ANO3: variants seen among roughly 807,000 people sequenced by gnomAD.
ANO3 encodes the protein anoctamin 3.
A neutral mutation model predicts 144.8 loss-of-function variants in ANO3; 99 were observed. The observed-to-expected ratio is 0.68, with a 90% CI of 0.58 to 0.81. The LOEUF is 0.81. ANO3 is among the 30% of genes least tolerant of loss of function. The pLI is 0.00. For synonymous variants in ANO3, 414 were observed against 392.6 expected (o/e 1.05, Z -0.64); for missense variants, 905 against 1,202.2 (o/e 0.75, Z 3.66).
chr11:26,213,428 A>T (rs2133785028), intron 1 of ANO3, among the ~76,000 whole-genome samples: 1 of 152,112 alleles, frequency 6.6e-6, no homozygotes, highest in Non-Finnish European at 1.5e-5. Flanking sequence ...CAACTTCAGC[A>T]GTCTCAGGAT....
chr11:26,255,875 T>C (rs11029433), intron 1 of ANO3, among the ~76,000 whole-genome samples: 4 of 152,100 alleles, frequency 2.6e-5, no homozygotes, highest in Non-Finnish European at 2.9e-5. Flanking sequence ...CTAGAGGGAA[T>C]CCTCATCAGG....
intron 3 of ANO3, among the ~76,000 whole-genome samples, chr11:26,445,956 C>T (rs1012671895): frequency 4.6e-5 from 7 of 151,962 alleles, no homozygotes; most frequent in East Asian, 1.9e-4. Context: ...CTCAGCCTCC[C>T]GAGTAGCTGG....
At chr11:26,326,683 A>G (rs1016914401) in intron 1 of ANO3, among the ~76,000 whole-genome samples, 6 of 152,162 alleles carry the variant, frequency 3.9e-5, no homozygotes, top group Non-Finnish European at 7.4e-5. Flanking sequence ...ATATATAACT[A>G]CAAAGGTTAC....
chr11:26,514,535 G>A (rs1424363052), intron 5 of ANO3, among the ~76,000 whole-genome samples: 1 of 152,062 alleles, frequency 6.6e-6, no homozygotes, highest in Non-Finnish European at 1.5e-5. Flanking sequence ...GTAAATGGTA[G>A]AGATGGAATT....
intron 1 of ANO3, among the ~76,000 whole-genome samples, chr11:26,236,971 GTT>G (rs1852545675): frequency 6.6e-6 from 1 of 151,924 alleles, no homozygotes; most frequent in Non-Finnish European, 1.5e-5. Flanking sequence ...TCAAAACCCA[GTT>G]ATCTGTAAGT....
intron 1 of ANO3, among the ~76,000 whole-genome samples, chr11:26,385,908 T>TATATATATATATATAC (rs1310559300): frequency 0.018 from 2,679 of 149,212 alleles, 83 homozygotes; most frequent in African/African-American, 0.061. Flanking sequence ...TATATTTATA[T>TATATATATATATATAC]ACATATTTAC....
chr11:26,375,994 C>CAA (rs1856395897), intron 1 of ANO3, among the ~76,000 whole-genome samples: 1 of 152,132 alleles, frequency 6.6e-6, no homozygotes, highest in African/African-American at 2.4e-5. Context: ...TATACACAAT[C>CAA]ATATTCCCAC....
intron 24 of ANO3, among the ~76,000 whole-genome samples, chr11:26,652,694 T>C (rs1853570753): frequency 1.3e-5 from 2 of 152,256 alleles, no homozygotes; most frequent in African/African-American, 4.8e-5. Flanking sequence ...TACATCTTTA[T>C]GTCTTTGCTC....
intron 1 of ANO3, among the ~76,000 whole-genome samples, chr11:26,405,619 T>C (rs916970747): frequency 1.3e-5 from 2 of 151,888 alleles, no homozygotes; most frequent in Non-Finnish European, 2.9e-5. Context: ...GAACAAATCA[T>C]TGTGACCCAG....
At chr11:26,191,238 A>T (rs1851469389) in intron 1 of ANO3, among the ~76,000 whole-genome samples, 1 of 151,804 alleles carries the variant, frequency 6.6e-6, no homozygotes, top group Non-Finnish European at 1.5e-5. Flanking sequence ...AGATTGCGCC[A>T]TTGCACGCCA....
At chr11:26,269,282 G>T (rs972562865) in intron 1 of ANO3, among the ~76,000 whole-genome samples, 1 of 152,196 alleles carries the variant, frequency 6.6e-6, no homozygotes, top group African/African-American at 2.4e-5. Context: ...CTCTCAGGCA[G>T]GACTTCCTTA....
At chr11:26,371,611 A>T (rs1856260042) in intron 1 of ANO3, among the ~76,000 whole-genome samples, 1 of 152,202 alleles carries the variant, frequency 6.6e-6, no homozygotes, top group African/African-American at 2.4e-5. Context: ...GAGGGGGATT[A>T]TATCCTGCAA....
chr11:26,404,784 A>C (rs958376380), intron 1 of ANO3, among the ~76,000 whole-genome samples: 1 of 151,830 alleles, frequency 6.6e-6, no homozygotes, highest in Non-Finnish European at 1.5e-5. Flanking sequence ...GCAGTTTTAC[A>C]GAAAAGGCTT....
At chr11:26,363,202 C>T in intron 1 of ANO3, among the ~76,000 whole-genome samples, 1 of 152,098 alleles carries the variant, frequency 6.6e-6, no homozygotes, top group East Asian at 1.9e-4. Flanking sequence ...TCCCATAAAT[C>T]ACTCTGGTAA....
At chr11:26,635,952 C>A (rs897221786) in intron 20 of ANO3, among the ~76,000 whole-genome samples, 4 of 152,162 alleles carry the variant, frequency 2.6e-5, no homozygotes, top group African/African-American at 9.7e-5. Context: ...AGTCCCAACA[C>A]TTTAGGAGGC....
chr11:26,213,309 G>C (rs1356129823), intron 1 of ANO3, among the ~76,000 whole-genome samples: 4 of 151,982 alleles, frequency 2.6e-5, no homozygotes, highest in African/African-American at 9.7e-5. Flanking sequence ...ATAAATAAAC[G>C]GTATTCAAAT....
chr11:26,525,615 G>A lies in ANO3; in HGVS notation c.693-20G>A, dbSNP rs1415778316. ...TATTTTCCTGTGGCTTTCCTTAGCT[G>A]TTTTCTATTATTTTTTCAGGAAAAA... On this transcript the variant is annotated intron_variant, in intron 6 of 26. Coordinates refer to ENST00000256737, the MANE Select transcript of ANO3 (RefSeq NM_031418.4). The A allele has an allele frequency of 1.2e-6, 2 of 1,605,290 alleles. No individual in the cohort carries two copies. Among genetic ancestry groups the A allele is most frequent in the African/African-American group, 1.3e-5 (1 of 74,544 alleles).
At chr11:26,505,494 GAGGGAGT>G (rs1160805888) in intron 4 of ANO3, among the ~76,000 whole-genome samples, 1 of 152,182 alleles carries the variant, frequency 6.6e-6, no homozygotes, top group East Asian at 1.9e-4. Context: ...AAATCACAAG[GAGGGAGT>G]ATATAGGGGG....
chr11:26,291,775 T>A (rs1853964425), intron 1 of ANO3, among the ~76,000 whole-genome samples: 1 of 152,210 alleles, frequency 6.6e-6, no homozygotes, highest in Non-Finnish European at 1.5e-5. Flanking sequence ...TGCTGAGAGA[T>A]CTGCTGTTAG....
Sources: gnomAD v4.1 joint callset for allele counts (sites outside exome capture counted in the v4.1 genomes callset) on GRCh38, gnomAD v4.1.1 for gene constraint, MANE v1.5 for transcripts, NCBI Gene and HGNC (gene_info 2026-07-23, HGNC 2026-07-21) for gene names.